Variants in TTPA observed in about 807,000 individuals in gnomAD.
TTPA encodes alpha-tocopherol transfer protein.
TTPA carries 23 observed loss-of-function variants against 25.9 expected under a neutral mutation model. That is an observed-to-expected ratio of 0.89 (90% CI 0.64 to 1.26). The LOEUF (loss-of-function observed/expected upper bound fraction) is 1.26, where lower values mean the gene tolerates loss of function less well. Among genes scored for constraint, TTPA ranks in the 50% most tolerant of loss-of-function variants. The probability of loss-of-function intolerance (pLI) is 0.00; values close to 1 mark genes in which losing one functional copy is unlikely to be tolerated. For synonymous variants in TTPA, 148 were observed against 137.3 expected (o/e 1.08, Z -0.54); for missense variants, 337 against 353.1 (o/e 0.95, Z 0.37).
At chr8:63,059,055 G>A (rs1208507690), downstream of TTPA, among the ~76,000 whole-genome samples, 2 of 96,704 alleles carry the variant, frequency 2.1e-5, no homozygotes, top group African/African-American at 8.9e-5. Flanking sequence ...TTTTTGAGAC[G>A]GAGTCTCGCT....
chr8:63,072,928 G>A lies in TTPA; in HGVS notation c.358+7C>T, dbSNP rs765051181. On this transcript the variant is annotated splice_region_variant and intron_variant, in intron 2 of 4. Transcript: ENST00000260116. ...GGAGAAAAAAAAAAGAGTTGTGTAT[G>A]ACTTACCGATTCTGTAAATAAGAAC... 1 of 1,613,930 alleles carries A rather than the reference G, an allele frequency of 6.2e-7. No individual in the cohort carries two copies. The highest frequency in any genetic ancestry group is 8.5e-7 in the Non-Finnish European group (1 of 1,179,972).
At chr8:63,072,041 G>A (rs1450119978) in intron 2 of TTPA, among the ~76,000 whole-genome samples, 1 of 152,168 alleles carries the variant, frequency 6.6e-6, no homozygotes, top group African/African-American at 2.4e-5. Context: ...TCCCAGAGGA[G>A]TTGCCTTTCC....
intron 4 of TTPA, among the ~76,000 whole-genome samples, chr8:63,063,727 A>G (rs193193702): frequency 3.3e-5 from 5 of 152,260 alleles, no homozygotes; most frequent in African/African-American, 1.2e-4. Context: ...TGCCATAAAC[A>G]CTATTCCACA....
chr8:63,065,750 C>T (rs1389198591), intron 3 of TTPA, among the ~76,000 whole-genome samples, 154 bp downstream of exon 3: 1 of 152,164 alleles, frequency 6.6e-6, no homozygotes, highest in African/African-American at 2.4e-5. Flanking sequence ...TAACATTTTA[C>T]TTCCTCTTAG....
chr8:63,061,751 T>C (rs1805310333), intron 4 of TTPA, among the ~76,000 whole-genome samples: 2 of 152,364 alleles, frequency 1.3e-5, no homozygotes, highest in East Asian at 3.9e-4. Context: ...GTGCAAGTGA[T>C]TCTTACCAAA....
downstream of TTPA, among the ~76,000 whole-genome samples, chr8:63,058,466 C>T (rs1805238035): frequency 6.6e-6 from 1 of 152,128 alleles, no homozygotes; most frequent in South Asian, 2.1e-4. Flanking sequence ...AAATTACGTG[C>T]AGTTGAGTAA....
intron 1 of TTPA, among the ~76,000 whole-genome samples, chr8:63,074,938 A>G (rs1008293943): frequency 1.3e-5 from 2 of 152,250 alleles, no homozygotes; most frequent in Non-Finnish European, 2.9e-5. Flanking sequence ...AAATTAAGTC[A>G]TGAGTAAACC....
At chr8:63,066,921 A>C (rs1403602045) in intron 2 of TTPA, among the ~76,000 whole-genome samples, 1 of 151,968 alleles carries the variant, frequency 6.6e-6, no homozygotes, top group African/African-American at 2.4e-5. Flanking sequence ...AACATAATAG[A>C]AGCCAGGTGC....
At chr8:63,061,888 T>C (rs921841051) in intron 4 of TTPA, among the ~76,000 whole-genome samples, 3 of 152,140 alleles carry the variant, frequency 2.0e-5, no homozygotes, top group Non-Finnish European at 4.4e-5. Flanking sequence ...GTACAGTCGA[T>C]GGATACTGTT....
intron 3 of TTPA, among the ~76,000 whole-genome samples, chr8:63,065,691 T>C (rs1326536497): frequency 1.3e-5 from 2 of 152,196 alleles, no homozygotes; most frequent in Non-Finnish European, 2.9e-5. Context: ...GTTACTAATT[T>C]GAACATATTT....
rs78871994 is a variant in TTPA, at chr8:63,067,213, T to C, written c.359-1116A>G. 6.7e-3 allele frequency among the ~76,000 whole-genome samples: 1,014 copies of C among 152,166 alleles called. 10 individuals carry two copies. The highest frequency in any genetic ancestry group is 0.023 in the African/African-American group (943 of 41,524). On this transcript the variant is annotated intron_variant, in intron 2 of 4. Transcript: ENST00000260116. ...TTTTAAAAAACATTCATTGATAAGA[T>C]AAATGCTGGAAAAGACAGAGCCAAT...
rs185605049 is a variant in TTPA, at chr8:63,076,608, A to T, written c.205-3520T>A. ...AATTCCTTATTTAAGGAATACAGAA[A>T]AAAATATATTATGTCCCAGAGGCTG... is the stretch of plus-strand genomic sequence containing the variant. On this transcript the variant is annotated intron_variant, in intron 1 of 4. Transcript: ENST00000260116. Among the ~76,000 whole-genome samples, 7 of 152,336 alleles carry T rather than the reference A, an allele frequency of 4.6e-5. 1 individual carries two copies. The highest frequency in any genetic ancestry group is 4.6e-4 in the Admixed American group (7 of 15,308).
chr8:63,086,016 T>C lies in TTPA; in HGVS notation c.6A>G (p.Ala2=). The change falls in exon 1 of 5, where the codon GCA becomes GCG. Residue 2 remains alanine (A), a synonymous_variant. Transcript: ENST00000260116. ...CCGCCGAGGGCTGGGATCGCGCCTCTGCCATGCCCGCCGCCGCTGCTGCGG... is the reference window on the plus strand; with the variant it reads ...CCGCCGAGGGCTGGGATCGCGCCTCCGCCATGCCCGCCGCCGCTGCTGCGG... M[A]EARSQPSAGP... 1 of 1,432,758 alleles carries C rather than the reference T, an allele frequency of 7.0e-7. No individual in the cohort carries two copies. The highest frequency in any genetic ancestry group is 9.1e-7 in the Non-Finnish European group (1 of 1,095,914). The allele number at this position is 1,432,758 out of a possible 1,614,324, so 88.8% of individuals were successfully genotyped here.
intron 2 of TTPA, among the ~76,000 whole-genome samples, chr8:63,067,045 G>A (rs1805402806): frequency 6.6e-6 from 1 of 151,880 alleles, no homozygotes; most frequent in African/African-American, 2.4e-5. Context: ...GCAAGAACCG[G>A]TCTGTAAAAA....
chr8:63,080,728 AAAAAAAAT>A (rs1718585874), intron 1 of TTPA, among the ~76,000 whole-genome samples: 1 of 144,144 alleles, frequency 6.9e-6, no homozygotes, highest in African/African-American at 2.8e-5. Context: ...TCAAAAAAAA[AAAAAAAAT>A]AAATAATAAT....
chr8:63,061,650 C>G, intron 4 of TTPA, among the ~76,000 whole-genome samples: 1 of 152,132 alleles, frequency 6.6e-6, no homozygotes, highest in East Asian at 1.9e-4. Context: ...ATTCTTATAA[C>G]TGCATAAAAT....
Position 63,060,737 on chromosome 8 carries a change from G to A in TTPA, c.*515C>T, listed in dbSNP as rs1805292925. 6.5e-6 allele frequency: 1 copy of A among 154,818 alleles called. No homozygotes were observed. Among genetic ancestry groups the A allele is most frequent in the Non-Finnish European group, 1.4e-5 (1 of 69,888 alleles). The allele number at this position is 154,818 out of a possible 1,614,324, so 9.6% of individuals were successfully genotyped here. A position where few individuals can be genotyped will look rare whatever the true frequency, so the allele number is the denominator to read the frequency against. ...AAATAAAATTTCCCTGAGATGAAAT[G>A]TCTTGCTGGTCCACAGGAATAACCA... On this transcript the variant is annotated 3_prime_UTR_variant, in exon 5 of 5. Coordinates refer to ENST00000260116, the MANE Select transcript of TTPA (RefSeq NM_000370.3).
At chr8:63,064,349 C>T (rs1805355800) in intron 3 of TTPA, 33 bp from the exon 4 acceptor site, 4 of 1,451,928 alleles carry the variant, frequency 2.8e-6, no homozygotes, top group African/African-American at 1.4e-5. Context: ...AATAACAAAA[C>T]ATAAATATTA....
chr8:63,060,992 C>G lies in TTPA; in HGVS notation c.*260G>C. ...CTACTTTAGCAATAACTTTCATGTTCTCTTCAAGTACAAAATCGCCGATTT... is the reference window on the plus strand; with the variant it reads ...CTACTTTAGCAATAACTTTCATGTTGTCTTCAAGTACAAAATCGCCGATTT... On this transcript the variant is annotated 3_prime_UTR_variant, in exon 5 of 5. Coordinates refer to ENST00000260116, the MANE Select transcript of TTPA (RefSeq NM_000370.3). 5.3e-6 allele frequency: 2 copies of G among 377,722 alleles called. No individual in the cohort carries two copies. 23.4% of individuals were successfully genotyped at this position (377,722 alleles called of 1,614,324 possible). A position where few individuals can be genotyped will look rare whatever the true frequency, so the allele number is the denominator to read the frequency against.
Sources: gnomAD v4.1 joint callset for allele counts (sites outside exome capture counted in the v4.1 genomes callset) on GRCh38, gnomAD v4.1.1 for gene constraint, MANE v1.5 for transcripts, NCBI Gene and HGNC (gene_info 2026-07-23, HGNC 2026-07-21) for gene names.